Variants in CR1 observed in about 807,000 individuals in gnomAD.
The protein encoded by CR1 is complement receptor type 1.
CR1 carries 116 observed loss-of-function variants against 187.3 expected under a neutral mutation model. The observed-to-expected ratio is 0.62, with a 90% CI of 0.53 to 0.72. The LOEUF (loss-of-function observed/expected upper bound fraction) is 0.72. Ranked by LOEUF, CR1 falls within the 30% of genes least tolerant of loss-of-function variation. The pLI, the probability that CR1 is intolerant of heterozygous loss-of-function variation, is 0.00. For synonymous variants in CR1, 576 were observed against 747.1 expected (o/e 0.77, Z 3.73); for missense variants, 1,731 against 2,110.7 (o/e 0.82, Z 3.52).
intron 41 of CR1, among the ~76,000 whole-genome samples, chr1:207,617,608 TATATAGAGAGAGAGAGAGAGAGAG>T (rs1439051730): frequency 7.6e-3 from 93 of 12,220 alleles, no homozygotes; most frequent in Middle Eastern, 0.036. Context: ...TATATATATA[TATATAGAGAGAGAGAGAGAGAGAG>T]AGAGAGAGAG....
chr1:207,605,125 C>T (rs181578998), intron 35 of CR1, among the ~76,000 whole-genome samples: 240 of 151,760 alleles, frequency 1.6e-3, no homozygotes, highest in African/African-American at 5.1e-3. Flanking sequence ...CCAGGCATGG[C>T]AGCGCATACC....
At chr1:207,521,256 C>T (rs1236817658) in intron 4 of CR1, among the ~76,000 whole-genome samples, 1 of 152,088 alleles carries the variant, frequency 6.6e-6, no homozygotes, top group Non-Finnish European at 1.5e-5. Flanking sequence ...GGATTACAGG[C>T]ATGAGCCACC....
rs1660553746 is a variant in CR1 at position 207,567,869 on chromosome 1, C to T, written c.3998C>T (p.Thr1333Ile). ...CCAGTTATTCCTAATGGGAGACACA[C>T]AGGAAAACCTCTGGAAGTCTTTCCC... ...SPPVIPNGRH[T>I]GKPLEVFPFG... Residue 1333 changes from threonine (T) to isoleucine (I), a missense_variant, in exon 25 of 47, where the codon ACA becomes ATA. By Grantham distance (89) the Thr-to-Ile change is moderately conservative (BLOSUM62 -1). Around this residue, in one of 5 missense-constraint regions of CR1, gnomAD observed 1,312 missense variants for 1,379.6 expected, o/e 0.95. Transcript: ENST00000367049. 1 of 1,610,838 alleles carries T rather than the reference C, an allele frequency of 6.2e-7. No individual in the cohort carries two copies. The highest frequency in any genetic ancestry group is 1.4e-5 in the African/African-American group (1 of 72,326).
intron 28 of CR1, among the ~76,000 whole-genome samples, chr1:207,576,461 T>A (rs1660746877): frequency 6.6e-6 from 1 of 152,230 alleles, no homozygotes; most frequent in Non-Finnish European, 1.5e-5. Context: ...ATATGTAATA[T>A]TGTATATTTG....
Position 207,506,009 on chromosome 1 carries a change from G to T in CR1, c.227G>T (p.Gly76Val). The change falls in exon 2 of 47, where the codon GGT (glycine) becomes GTT (valine). Residue 76 changes from glycine to valine, a missense_variant. Gly to Val is a moderately radical substitution (Grantham distance 109). Around this residue, in one of 5 missense-constraint regions of CR1, gnomAD observed 237 missense variants for 240.4 expected, o/e 0.99. Coordinates refer to ENST00000367049, the MANE Select transcript of CR1 (RefSeq NM_000651.6). ...GTYLNYECRP[G>V]YSGRPFSIIC... ...TATCTGAACTATGAATGCCGCCCTGGTTATTCCGGAAGACCGTTTTCTATC... is the reference window on the plus strand; with the variant it reads ...TATCTGAACTATGAATGCCGCCCTGTTTATTCCGGAAGACCGTTTTCTATC... 2 of 1,613,934 alleles carry T rather than the reference G, an allele frequency of 1.2e-6. No individual in the cohort carries two copies. Among genetic ancestry groups the T allele is most frequent in the Non-Finnish European group, 1.7e-6 (2 of 1,179,868 alleles).
At chr1:207,626,525 C>T (rs148609912) in intron 45 of CR1, among the ~76,000 whole-genome samples, 185 of 152,260 alleles carry the variant, frequency 1.2e-3, no homozygotes, top group African/African-American at 4.3e-3. Flanking sequence ...GTGGGAAACA[C>T]AGAATATGAG....
chr1:207,577,199 TGAG>T (rs1271536051), intron 28 of CR1, among the ~76,000 whole-genome samples: 1 of 149,968 alleles, frequency 6.7e-6, no homozygotes, highest in East Asian at 2.0e-4. Flanking sequence ...TGCAGTGAGC[TGAG>T]ATCACGCCAC....
intron 45 of CR1, among the ~76,000 whole-genome samples, chr1:207,624,018 C>A (rs1012345574): frequency 4.9e-5 from 7 of 142,738 alleles, no homozygotes; most frequent in African/African-American, 1.5e-4. Flanking sequence ...CTCTGCCTCC[C>A]AGATTCAAGC....
intron 35 of CR1, 53 bp from the exon 36 acceptor site, chr1:207,607,198 A>T: frequency 7.5e-7 from 1 of 1,341,814 alleles, no homozygotes; most frequent in Non-Finnish European, 1.1e-6. Flanking sequence ...CTAAATGGTG[A>T]GTTAAATGGG....
chr1:207,595,410 C>T (rs1661401440), intron 35 of CR1, among the ~76,000 whole-genome samples: 1 of 151,994 alleles, frequency 6.6e-6, no homozygotes, highest in South Asian at 2.1e-4. Context: ...TCAAGATTAA[C>T]AACAATGGGC....
intron 46 of CR1, among the ~76,000 whole-genome samples, chr1:207,634,799 C>CT (rs199757057): frequency 0.02 from 2,970 of 152,286 alleles, 44 homozygotes; most frequent in Middle Eastern, 0.061. Context: ...CTGAAGCTGA[C>CT]CCCTCCAAGA....
At chr1:207,606,680 G>A (rs1480841079) in intron 35 of CR1, 1 of 152,116 alleles carries the variant, frequency 6.6e-6, no homozygotes, top group African/African-American at 2.4e-5. Flanking sequence ...TCTACGTTTT[G>A]TGGCCTACTC....
intron 46 of CR1, among the ~76,000 whole-genome samples, chr1:207,637,342 C>G (rs1452195468): frequency 2.0e-5 from 3 of 152,204 alleles, no homozygotes; most frequent in Non-Finnish European, 4.4e-5. Context: ...TATAATAGTT[C>G]CGAATTCACT....
intron 35 of CR1, among the ~76,000 whole-genome samples, chr1:207,591,375 A>G (rs745332655): frequency 6.6e-6 from 1 of 152,246 alleles, no homozygotes; most frequent in Non-Finnish European, 1.5e-5. Flanking sequence ...AAATGAAAGC[A>G]GAAATAAGTA....
chr1:207,632,891 C>T (rs898599104), intron 46 of CR1, among the ~76,000 whole-genome samples: 1 of 151,142 alleles, frequency 6.6e-6, no homozygotes, highest in East Asian at 1.9e-4. Flanking sequence ...AAAGTTCTTG[C>T]GTGAGGCATT....
intron 39 of CR1, among the ~76,000 whole-genome samples, chr1:207,612,660 G>A (rs778869140): frequency 7.9e-5 from 12 of 152,244 alleles, no homozygotes; most frequent in African/African-American, 1.4e-4. Context: ...ACTGGGCGGC[G>A]TCTGGCTGGT....
At chr1:207,564,847 G>C (rs1660443840) in intron 23 of CR1, among the ~76,000 whole-genome samples, 1 of 150,166 alleles carries the variant, frequency 6.7e-6, no homozygotes, top group Admixed American at 6.6e-5. Context: ...GAGTAATTTA[G>C]AGAGTCCCAG....
intron 35 of CR1, among the ~76,000 whole-genome samples, chr1:207,604,384 A>G (rs1485474988): frequency 6.6e-6 from 1 of 152,142 alleles, no homozygotes; most frequent in Admixed American, 6.6e-5. Context: ...TTTTTCCTCA[A>G]TGTATGTCTA....
Position 207,609,599 on chromosome 1 carries a change from G to A in CR1, c.6206G>A (p.Cys2069Tyr), listed in dbSNP as rs1661855848. The change falls in exon 37 of 47, where the codon TGT becomes TAT. Residue 2069 changes from cysteine to tyrosine, a missense_variant. This residue lies in a region of CR1 where 1,312 missense variants were observed against 1,379.6 expected (regional missense o/e 0.95). Coordinates refer to ENST00000367049, the MANE Select transcript of CR1 (RefSeq NM_000651.6). ...CTCACTGAGATCATCAGATTTAGAT[G>A]TCAGCCCGGGTTTGTCATGGTAGGG... is the stretch of plus-strand genomic sequence containing the variant. ...FTLTEIIRFR[C>Y]QPGFVMVGSH... 6.2e-7 allele frequency: 1 copy of A among 1,612,794 alleles called. No homozygotes were observed. Among genetic ancestry groups the A allele is most frequent in the Non-Finnish European group, 8.5e-7 (1 of 1,179,438 alleles).
Sources: gnomAD v4.1 joint callset for allele counts (sites outside exome capture counted in the v4.1 genomes callset) on GRCh38, gnomAD v4.1.1 for gene constraint, gnomAD v4.1.1 regional missense constraint, MANE v1.5 for transcripts, NCBI Gene and HGNC (gene_info 2026-07-23, HGNC 2026-07-21) for gene names.